The following OAF variants were observed in gnomAD, a reference collection of about 807,000 sequenced individuals.
OAF encodes the protein out at first homolog, also known as out at first protein homolog.
OAF carries 13 observed loss-of-function variants against 22.5 expected under a neutral mutation model. The observed-to-expected ratio is 0.58, with a 90% CI of 0.38 to 0.92. The LOEUF (loss-of-function observed/expected upper bound fraction) is 0.92. Ranked by LOEUF, OAF falls within the 40% of genes least tolerant of loss-of-function variation. OAF has a pLI of 0.00. For missense variants in OAF, 347 were observed against 381.8 expected (o/e 0.91, Z 0.76); for synonymous variants, 175 against 170.5 (o/e 1.03, Z -0.21).
Position 120,211,053 on chromosome 11 carries a change from G to A in OAF, c.-227G>A, listed in dbSNP as rs971764163. 5 of 173,766 alleles carry A rather than the reference G, an allele frequency of 2.9e-5. No homozygotes were observed. Among genetic ancestry groups the A allele is most frequent in the African/African-American group, 4.8e-5 (2 of 41,758 alleles). 10.8% of individuals were successfully genotyped at this position (173,766 alleles called of 1,614,324 possible). A position where few individuals can be genotyped will look rare whatever the true frequency, so the allele number is the denominator to read the frequency against. ...CAGCGCTGGAGCCCGGGGCCGCGGA[G>A]CCGGGCCGGGGCAGCGCCGTCTCCG... On this transcript the variant is annotated 5_prime_UTR_variant, in exon 1 of 4. Transcript: ENST00000328965.
chr11:120,213,019 C>G (rs1035461986), intron 1 of OAF, among the ~76,000 whole-genome samples: 4 of 151,484 alleles, frequency 2.6e-5, no homozygotes, highest in African/African-American at 4.8e-5. Context: ...CTGTCCAAGC[C>G]CTTTGTCCTT....
At chr11:120,214,446 G>C (rs146028856) in intron 1 of OAF, among the ~76,000 whole-genome samples, 8 of 152,274 alleles carry the variant, frequency 5.3e-5, no homozygotes, top group African/African-American at 1.9e-4. Flanking sequence ...ACGGACCCAA[G>C]GTCATGCAGA....
At chr11:120,228,825 T>TACCAAACCACCA in intron 3 of OAF, 43 bp from the exon 4 acceptor site, 1 of 434,174 alleles carries the variant, frequency 2.3e-6, no homozygotes, top group Non-Finnish European at 4.7e-6. Context: ...GCTCCTTCCC[T>TACCAAACCACCA]CCCTCCCTCC....
chr11:120,213,514 G>A (rs946466873), intron 1 of OAF, among the ~76,000 whole-genome samples: 7 of 152,238 alleles, frequency 4.6e-5, no homozygotes, highest in South Asian at 4.2e-4. Flanking sequence ...GGAAGACACC[G>A]AAAGGAAACC....
intron 1 of OAF, among the ~76,000 whole-genome samples, chr11:120,213,495 A>G (rs1314481918): frequency 6.6e-6 from 1 of 152,106 alleles, no homozygotes; most frequent in African/African-American, 2.4e-5. Flanking sequence ...AAGGGAGGGA[A>G]TTGGGAGTGG....
intron 3 of OAF, among the ~76,000 whole-genome samples, chr11:120,227,914 G>C (rs1198023351): frequency 6.6e-6 from 1 of 151,898 alleles, no homozygotes; most frequent in Non-Finnish European, 1.5e-5. Context: ...TCCTCCAGAA[G>C]CTGGCCCCTC....
At chr11:120,225,590 C>G (rs1328313488) in intron 1 of OAF, 71 bp from the exon 2 acceptor site, 1 of 1,423,502 alleles carries the variant, frequency 7.0e-7, no homozygotes, top group African/African-American at 1.5e-5. Context: ...AGGGGCCAAG[C>G]TGAGCACCCG....
Position 120,212,291 on chromosome 11 carries a change from A to G in OAF, c.231+781A>G, listed in dbSNP as rs112573271. Among the ~76,000 whole-genome samples, 1,407 of 151,278 alleles carry G rather than the reference A, an allele frequency of 9.3e-3. 20 individuals carry two copies. Among genetic ancestry groups the G allele is most frequent in the Middle Eastern group, 0.038 (11 of 290 alleles). On this transcript the variant is annotated intron_variant, in intron 1 of 3. Transcript: ENST00000328965. ...GTGTGGGTGTGTGGGTGTGTGTCCC[A>G]GATTACGGTTTGGGAGTTAGAGACC...
rs373796846 is a variant in OAF at position 120,216,851 on chromosome 11, C to A, written c.231+5341C>A. On this transcript the variant is annotated intron_variant, in intron 1 of 3. Transcript: ENST00000328965. ...CCTGTTCCGCTGGCGGAGGGCCCAG[C>A]CTTGAAGTGAGGATTGCATAGGGTC... Among the ~76,000 whole-genome samples the A allele has an allele frequency of 5.9e-5, 9 of 152,306 alleles. No individual in the cohort carries two copies. In the East Asian group the frequency reaches 1.5e-3, roughly 26 times the overall value.
At chr11:120,217,630 T>G (rs1414324848) in intron 1 of OAF, 1 of 152,188 alleles carries the variant, frequency 6.6e-6, no homozygotes, top group Non-Finnish European at 1.5e-5. Context: ...AATCACTATG[T>G]ACGTTTTTTC....
intron 1 of OAF, among the ~76,000 whole-genome samples, chr11:120,218,852 G>A (rs1386620303): frequency 2.0e-5 from 3 of 152,230 alleles, no homozygotes; most frequent in Non-Finnish European, 4.4e-5. Context: ...GGGAGGGGCT[G>A]AGGAAGAGCG....
At chr11:120,228,712 C>A (rs1938393713) in intron 3 of OAF, among the ~76,000 whole-genome samples, 156 bp from the exon 4 acceptor site, 1 of 152,196 alleles carries the variant, frequency 6.6e-6, no homozygotes, top group Admixed American at 6.5e-5. Context: ...CCAGGTCTTA[C>A]CTCTGTGTCC....
chr11:120,211,236 C>A lies in OAF; in HGVS notation c.-44C>A. On this transcript the variant is annotated 5_prime_UTR_variant, in exon 1 of 4. Transcript: ENST00000328965. ...AAGTTTGCCTGCGCCTCTCCCCGCC[C>A]CCACGCGGCGCGCCGGGGCCGCGGA... The A allele has an allele frequency of 8.6e-7, 1 of 1,160,538 alleles. No homozygotes were observed. The highest frequency in any genetic ancestry group is 1.1e-6 in the Non-Finnish European group (1 of 939,918). The allele number at this position is 1,160,538 out of a possible 1,614,324, so 71.9% of individuals were successfully genotyped here.
At chr11:120,223,836 C>T (rs1172810945) in intron 1 of OAF, among the ~76,000 whole-genome samples, 2 of 152,180 alleles carry the variant, frequency 1.3e-5, no homozygotes, top group African/African-American at 2.4e-5. Flanking sequence ...GTTTTTGGAT[C>T]CTTCCTGGGG....
At chr11:120,219,113 A>AG (rs1491439983) in intron 1 of OAF, among the ~76,000 whole-genome samples, 3 of 29,082 alleles carry the variant, frequency 1.0e-4, no homozygotes, top group Non-Finnish European at 1.4e-4. Context: ...GGGAATTCAC[A>AG]GGGGGGGTGG....
chr11:120,229,240 C>A lies in OAF; in HGVS notation c.*98C>A. On this transcript the variant is annotated 3_prime_UTR_variant, in exon 4 of 4. Coordinates refer to ENST00000328965, the MANE Select transcript of OAF (RefSeq NM_178507.4). ...CCCACCTGAGGCCTTATTTCCCTCC[C>A]TCCCCACTCCCCTGGCCCTAGAGCC... The A allele has an allele frequency of 9.2e-7, 1 of 1,084,302 alleles. No homozygotes were observed. 67.2% of individuals were successfully genotyped at this position (1,084,302 alleles called of 1,614,324 possible).
chr11:120,212,259 TG>T (rs1938159400), intron 1 of OAF, among the ~76,000 whole-genome samples: 1 of 3,424 alleles, frequency 2.9e-4, no homozygotes, highest in Non-Finnish European at 5.4e-4. Flanking sequence ...GGTGGGTGGG[TG>T]GGTGGGTGTG....
intron 3 of OAF, 53 bp downstream of exon 3, chr11:120,227,049 G>C: frequency 7.3e-7 from 1 of 1,378,978 alleles, no homozygotes; most frequent in Non-Finnish European, 1.0e-6. Context: ...AGGGGACAGG[G>C]AGACAGCACA....
Position 120,229,158 on chromosome 11 carries a change from G to A in OAF, c.*16G>A. Reference sequence around the variant, plus strand: ...CCCAGGCTAGGGTGGGAGCAACCTGGCGGGTGGCTGCTCTGGGCCCACTGC... The same window carrying A: ...CCCAGGCTAGGGTGGGAGCAACCTGACGGGTGGCTGCTCTGGGCCCACTGC... On this transcript the variant is annotated 3_prime_UTR_variant, in exon 4 of 4. Transcript: ENST00000328965. 6.2e-7 allele frequency: 1 copy of A among 1,603,090 alleles called. No homozygotes were observed. The highest frequency in any genetic ancestry group is 8.5e-7 in the Non-Finnish European group (1 of 1,173,114).
Sources: gnomAD v4.1 joint callset for allele counts (sites outside exome capture counted in the v4.1 genomes callset) on GRCh38, gnomAD v4.1.1 for gene constraint, MANE v1.5 for transcripts, NCBI Gene and HGNC (gene_info 2026-07-23, HGNC 2026-07-21) for gene names.